RALYL: variants seen among roughly 807,000 people sequenced by gnomAD.
RALYL encodes RALY RNA binding protein like, also known as RNA-binding Raly-like protein.
A neutral mutation model predicts 35.1 loss-of-function variants in RALYL; 29 were observed. The observed-to-expected ratio is 0.83, with a 90% confidence interval of 0.61 to 1.13. The LOEUF is 1.13. Among genes scored for constraint, RALYL ranks in the 50% most tolerant of loss-of-function variants. The pLI is 0.00. For synonymous variants in RALYL, 120 were observed against 127.6 expected (o/e 0.94, Z 0.40); for missense variants, 359 against 360.4 (o/e 1.00, Z 0.03).
chr8:84,816,790 C>T (rs887648858), intron 4 of RALYL, among the ~76,000 whole-genome samples: 7 of 152,050 alleles, frequency 4.6e-5, no homozygotes, highest in African/African-American at 1.2e-4. Flanking sequence ...TAACACAAAG[C>T]GTAAATGCTT....
chr8:84,841,203 G>A (rs1157595288), intron 4 of RALYL, among the ~76,000 whole-genome samples: 29 of 152,262 alleles, frequency 1.9e-4, no homozygotes, highest in Non-Finnish European at 1.5e-5. Flanking sequence ...ACCCATCAGT[G>A]TGCTGTATTC....
At chr8:84,903,164 A>C (rs1315548737) in intron 8 of RALYL, among the ~76,000 whole-genome samples, 1 of 152,126 alleles carries the variant, frequency 6.6e-6, no homozygotes, top group Non-Finnish European at 1.5e-5. Context: ...CACTCTTTTG[A>C]GGAATTCTCT....
At chr8:84,475,035 T>G (rs1044502548) in intron 1 of RALYL, among the ~76,000 whole-genome samples, 1 of 151,924 alleles carries the variant, frequency 6.6e-6, no homozygotes, top group Admixed American at 6.6e-5. Context: ...ACATTAGGTA[T>G]TTCTCCTAAT....
intron 1 of RALYL, among the ~76,000 whole-genome samples, chr8:84,441,846 G>A (rs711002): frequency 0.48 from 73,431 of 151,814 alleles, 18,008 homozygotes; most frequent in African/African-American, 0.56. Flanking sequence ...CACTGCCCAT[G>A]GCAATTCATA....
At chr8:84,735,680 T>G (rs771129758) in intron 2 of RALYL, among the ~76,000 whole-genome samples, 11 of 152,022 alleles carry the variant, frequency 7.2e-5, no homozygotes, top group Non-Finnish European at 1.2e-4. Context: ...ACTAGTACCC[T>G]TATACAATGA....
At chr8:84,196,385 C>T (rs1815283661) in intron 1 of RALYL, among the ~76,000 whole-genome samples, 1 of 152,090 alleles carries the variant, frequency 6.6e-6, no homozygotes, top group Non-Finnish European at 1.5e-5. Flanking sequence ...TCATGCAAGC[C>T]AGCCACATAT....
intron 2 of RALYL, among the ~76,000 whole-genome samples, chr8:84,651,503 G>A (rs999727286): frequency 2.0e-5 from 3 of 151,830 alleles, no homozygotes; most frequent in Admixed American, 2.0e-4. Context: ...CCAGGTTTTG[G>A]CAGCAATTAA....
intron 4 of RALYL, among the ~76,000 whole-genome samples, chr8:84,839,912 C>G (rs1247065084): frequency 2.0e-5 from 3 of 152,214 alleles, no homozygotes; most frequent in South Asian, 2.1e-4. Context: ...AGGGTCCTGA[C>G]TGTTAGAAGG....
chr8:84,891,178 G>A (rs917570403), intron 8 of RALYL, among the ~76,000 whole-genome samples: 3 of 152,134 alleles, frequency 2.0e-5, no homozygotes, highest in African/African-American at 7.2e-5. Context: ...TGCAAGATGA[G>A]TCATCTACAT....
rs555890065 is a variant in RALYL at position 84,332,344 on chromosome 8, A to G, written c.-24+147920A>G. ...GAAAAAAGAAAGTACAGAGGACAGG[A>G]AAGAATCCATAGACTGAGAAAGGGA... On this transcript the variant is annotated intron_variant, in intron 1 of 8. Coordinates refer to ENST00000521268, the MANE Select transcript of RALYL (RefSeq NM_173848.7). Among the ~76,000 whole-genome samples, 10 of 152,262 alleles carry G rather than the reference A, an allele frequency of 6.6e-5. No homozygotes were observed. In the South Asian group the frequency reaches 1.7e-3, roughly 25 times the overall value.
rs936849177 is a variant in RALYL, at chr8:84,192,754, C to A, written c.-24+8330C>A. ...TGTATATTTAGTAGAGACAGAGTTTCACCATGTTGACCAGGCTGGTCTTGA... is the reference window on the plus strand; with the variant it reads ...TGTATATTTAGTAGAGACAGAGTTTAACCATGTTGACCAGGCTGGTCTTGA... On this transcript the variant is annotated intron_variant, in intron 1 of 8. Transcript: ENST00000521268. 2.3e-4 allele frequency among the ~76,000 whole-genome samples: 35 copies of A among 151,844 alleles called. 3 individuals are homozygous for A. Among genetic ancestry groups the A allele is most frequent in the Non-Finnish European group, 1.5e-5 (1 of 67,962 alleles).
chr8:84,357,884 T>C (rs1852189797), intron 1 of RALYL, among the ~76,000 whole-genome samples: 1 of 150,206 alleles, frequency 6.7e-6, no homozygotes, highest in Non-Finnish European at 1.5e-5. Context: ...TGAGAAAAAA[T>C]AAATTTAGTT....
rs569903086 is a variant in RALYL at position 84,656,014 on chromosome 8, C to G, written c.257-118565C>G. Among the ~76,000 whole-genome samples, 26 of 152,196 alleles carry G rather than the reference C, an allele frequency of 1.7e-4. No homozygotes were observed. The South Asian group carries it at 5.4e-3, about 32-fold the overall frequency. Reference sequence around the variant, plus strand: ...CTCACCACAGCTGAAAATGATGCTACCTACTCGAAATGAATTTCATAATTT... The same window carrying G: ...CTCACCACAGCTGAAAATGATGCTAGCTACTCGAAATGAATTTCATAATTT... On this transcript the variant is annotated intron_variant, in intron 2 of 8. Coordinates refer to ENST00000521268, the MANE Select transcript of RALYL (RefSeq NM_173848.7).
intron 2 of RALYL, among the ~76,000 whole-genome samples, chr8:84,624,121 A>G (rs1156247256): frequency 6.6e-6 from 1 of 152,192 alleles, no homozygotes; most frequent in Non-Finnish European, 1.5e-5. Context: ...TAGTGCTCAG[A>G]TATTTTGAAC....
rs146400276 is a variant in RALYL at position 84,673,697 on chromosome 8, G to T, written c.257-100882G>T. Among the ~76,000 whole-genome samples, 17 of 152,244 alleles carry T rather than the reference G, an allele frequency of 1.1e-4. 1 individual carries two copies. The East Asian group carries it at 3.1e-3, about 28-fold the overall frequency. On this transcript the variant is annotated intron_variant, in intron 2 of 8. Transcript: ENST00000521268. The stretch of plus-strand genomic sequence containing the variant: ...AAGATCAGATAATTGTAGGTGCACA[G>T]TCTTATTTCTGGGTTCTCTATTCTG...
At chr8:84,818,238 G>A (rs1827796180) in intron 4 of RALYL, among the ~76,000 whole-genome samples, 1 of 152,252 alleles carries the variant, frequency 6.6e-6, no homozygotes. Flanking sequence ...TTTAATAATA[G>A]GAACATGAAA....
chr8:84,522,138 T>A (rs1031567226), intron 1 of RALYL, among the ~76,000 whole-genome samples: 3 of 152,174 alleles, frequency 2.0e-5, no homozygotes, highest in African/African-American at 7.2e-5. Flanking sequence ...ATAAAATCTC[T>A]TACATTAATC....
chr8:84,620,644 C>T (rs1430604083), intron 2 of RALYL, among the ~76,000 whole-genome samples: 3 of 152,198 alleles, frequency 2.0e-5, no homozygotes, highest in Non-Finnish European at 2.9e-5. Flanking sequence ...TGAGGAACTG[C>T]ATTCCTTTGG....
intron 2 of RALYL, among the ~76,000 whole-genome samples, chr8:84,589,417 A>G (rs148552401): frequency 1.3e-5 from 2 of 152,354 alleles, no homozygotes; most frequent in Non-Finnish European, 2.9e-5. Context: ...GAATTACCAG[A>G]TTACTGTATT....
Sources: gnomAD v4.1 joint callset for allele counts (sites outside exome capture counted in the v4.1 genomes callset) on GRCh38, gnomAD v4.1.1 for gene constraint, MANE v1.5 for transcripts, NCBI Gene and HGNC (gene_info 2026-07-23, HGNC 2026-07-21) for gene names.